BMAL1: variants seen among roughly 807,000 people sequenced by gnomAD.
BMAL1 encodes the protein basic helix-loop-helix ARNT-like protein 1.
chr11:13,372,515 G>T, the BMAL1 span: 40 of 1,509,228 alleles, frequency 2.7e-5, no homozygotes, highest in African/African-American at 5.2e-4. Context: ...TAAGAATGAA[G>T]AAAGAAAGAA....
the BMAL1 span, among the ~76,000 whole-genome samples, chr11:13,335,194 A>T: frequency 6.6e-6 from 1 of 152,200 alleles, no homozygotes; most frequent in Admixed American, 6.5e-5. Context: ...AACCTGGAAG[A>T]TTGACAGGAG....
chr11:13,318,988 T>C, the BMAL1 span, among the ~76,000 whole-genome samples: 1 of 152,170 alleles, frequency 6.6e-6, no homozygotes, highest in Non-Finnish European at 1.5e-5. Context: ...TTTGAGAGTT[T>C]GCTTCTTATA....
the BMAL1 span, chr11:13,378,277 AC>A: frequency 2.0e-6 from 3 of 1,511,698 alleles, no homozygotes; most frequent in South Asian, 2.6e-5. Flanking sequence ...TTACTTTAAT[AC>A]ATAATAGTAT....
chr11:13,370,235 C>T, the BMAL1 span, among the ~76,000 whole-genome samples: 2 of 152,104 alleles, frequency 1.3e-5, no homozygotes, highest in African/African-American at 4.8e-5. Flanking sequence ...CTCTTGCTGG[C>T]CCCTTTGCTG....
At chr11:13,376,509 C>A in the BMAL1 span, 2 of 858,630 alleles carry the variant, frequency 2.3e-6, no homozygotes, top group Non-Finnish European at 4.0e-6. Context: ...CCTGTTTACC[C>A]ACTCAGACAG....
chr11:13,368,450 A>G, the BMAL1 span, among the ~76,000 whole-genome samples: 1 of 152,212 alleles, frequency 6.6e-6, no homozygotes, highest in Non-Finnish European at 1.5e-5. Flanking sequence ...GAAGGGCTGA[A>G]CCATGAAGAC....
chr11:13,284,148 A>ATATATATATATGTG, the BMAL1 span, among the ~76,000 whole-genome samples: 1 of 31,432 alleles, frequency 3.2e-5, no homozygotes, highest in East Asian at 1.3e-3. Flanking sequence ...ATATATGTGT[A>ATATATATATATGTG]TATATATATA....
chr11:13,338,199 A>T, the BMAL1 span, among the ~76,000 whole-genome samples: 10 of 151,600 alleles, frequency 6.6e-5, no homozygotes, highest in Non-Finnish European at 1.3e-4. Context: ...TTTTTTTTTT[A>T]AATTCTTCTT....
At chr11:13,289,518 G>C in the BMAL1 span, among the ~76,000 whole-genome samples, 1 of 152,266 alleles carries the variant, frequency 6.6e-6, no homozygotes, top group South Asian at 2.1e-4. Flanking sequence ...ATCTCCTAAT[G>C]CTATCCCTCT....
At chr11:13,377,913 T>C in the BMAL1 span, among the ~76,000 whole-genome samples, 1 of 152,242 alleles carries the variant, frequency 6.6e-6, no homozygotes, top group Non-Finnish European at 1.5e-5. Flanking sequence ...CTCCAGAAGC[T>C]GCACCTGGCC....
chr11:13,363,009 A>C, the BMAL1 span, among the ~76,000 whole-genome samples: 2 of 151,522 alleles, frequency 1.3e-5, no homozygotes, highest in African/African-American at 4.9e-5. Context: ...GAATTCAACA[A>C]ACCCTTTTGT....
At chr11:13,360,451 CA>C in the BMAL1 span, 1 of 1,593,776 alleles carries the variant, frequency 6.3e-7, no homozygotes, top group Non-Finnish European at 8.6e-7. Context: ...GATTGTTTTA[CA>C]ACGTTTGTTT....
the BMAL1 span, among the ~76,000 whole-genome samples, chr11:13,305,139 GAGC>G: frequency 1.3e-5 from 2 of 152,166 alleles, no homozygotes; most frequent in Non-Finnish European, 2.9e-5. Context: ...ATCTCACTGG[GAGC>G]ATATGGGGAA....
At chr11:13,317,521 C>A in the BMAL1 span, among the ~76,000 whole-genome samples, 1 of 152,154 alleles carries the variant, frequency 6.6e-6, no homozygotes, top group Non-Finnish European at 1.5e-5. Flanking sequence ...TGTTTAAAAT[C>A]GTTATGGTAA....
the BMAL1 span, chr11:13,375,618 A>G: frequency 6.4e-7 from 1 of 1,572,352 alleles, no homozygotes. Flanking sequence ...TCAGTTTTAC[A>G]GACGAGAGAA....
the BMAL1 span, among the ~76,000 whole-genome samples, chr11:13,313,312 C>T: frequency 1.3e-5 from 2 of 152,178 alleles, no homozygotes; most frequent in South Asian, 2.1e-4. Flanking sequence ...GTCCCTTTCA[C>T]GTCATCCTTA....
At chr11:13,354,460 G>T in the BMAL1 span, 2 of 1,612,346 alleles carry the variant, frequency 1.2e-6, no homozygotes, top group Non-Finnish European at 1.7e-6. Context: ...TAAGGCCTTT[G>T]GGGCATGTCT....
the BMAL1 span, among the ~76,000 whole-genome samples, chr11:13,373,724 A>G: frequency 6.6e-6 from 1 of 152,126 alleles, no homozygotes; most frequent in Non-Finnish European, 1.5e-5. Flanking sequence ...GCCCAAGCTA[A>G]TCTTGAATTC....
chr11:13,353,626 T>G, the BMAL1 span: 4 of 152,228 alleles, frequency 2.6e-5, no homozygotes, highest in Admixed American at 2.0e-4. Context: ...AAGACCAGCC[T>G]GGCCAACATG....
Sources: allele counts gnomAD v4.1 joint callset (sites outside exome capture counted in the v4.1 genomes callset), GRCh38; gene constraint gnomAD v4.1.1; transcripts MANE v1.5; gene names NCBI Gene and HGNC (gene_info 2026-07-23, HGNC 2026-07-21).